The following RIPK1 variants were observed in gnomAD, a reference collection of about 807,000 sequenced individuals.
RIPK1 encodes the protein receptor-interacting serine/threonine-protein kinase 1.
A neutral mutation model predicts 62.4 loss-of-function variants in RIPK1; 27 were observed. That is an observed-to-expected ratio of 0.43 (90% CI 0.32 to 0.60). The LOEUF is 0.60. Among genes scored for constraint, RIPK1 ranks in the 20% least tolerant of loss-of-function variants. RIPK1 has a pLI of 0.07. For synonymous variants in RIPK1, 287 were observed against 303.2 expected (o/e 0.95, Z 0.55); for missense variants, 735 against 831.0 (o/e 0.88, Z 1.42).
In RIPK1 at chr6:3,076,770, G is replaced by T. The variant is rs1039057982; in HGVS notation, c.-54G>T. 1.3e-6 allele frequency: 2 copies of T among 1,587,716 alleles called. No individual in the cohort carries two copies. The highest frequency in any genetic ancestry group is 2.8e-5 in the African/African-American group (2 of 71,120). ...CTCTCTGTTTTCTTTACAGGGTACA[G>T]CTCTGCCGGGGGGGGAAAAAGTGGT... On this transcript the variant is annotated 5_prime_UTR_variant, in exon 2 of 11. Transcript: ENST00000259808.
At position 3,075,472 on chromosome 6, in the gene RIPK1, T is replaced by C. The variant is rs781749519; in HGVS notation, c.-60-1292T>C. Reference sequence around the variant, plus strand: ...CTTAGAGTTTGCATTGTTCTTTTTATATTCTTCAGATTCCTTCTTTTGTTC... The same window carrying C: ...CTTAGAGTTTGCATTGTTCTTTTTACATTCTTCAGATTCCTTCTTTTGTTC... On this transcript the variant is annotated intron_variant, in intron 1 of 10. Transcript: ENST00000259808. 6.8e-4 allele frequency among the ~76,000 whole-genome samples: 103 copies of C among 152,254 alleles called. 1 individual carries two copies. Among genetic ancestry groups the C allele is most frequent in the Non-Finnish European group, 2.2e-4 (15 of 68,042 alleles).
At chr6:3,084,683 T>A (rs926238980) in intron 5 of RIPK1, among the ~76,000 whole-genome samples, 1 of 147,046 alleles carries the variant, frequency 6.8e-6, no homozygotes, top group Non-Finnish European at 1.5e-5. Context: ...AGCCTCCACC[T>A]CCCAGGTTCA....
chr6:3,109,895 T>C (rs1581441055), intron 9 of RIPK1, among the ~76,000 whole-genome samples: 1 of 152,206 alleles, frequency 6.6e-6, no homozygotes, highest in Admixed American at 6.5e-5. Flanking sequence ...CATTTTTCTT[T>C]GTGGCTGGCT....
rs1490155787 is a variant in RIPK1, at chr6:3,072,470, A to G, written c.-61+3809A>G. On this transcript the variant is annotated intron_variant, in intron 1 of 10. Transcript: ENST00000259808. This position sits in a 1 kb window ranked among gnomAD's most constrained non-coding sequence, Gnocchi z 5.6. ...TCGTCAAAAACAATTTTGAATGGCTATATAATATTCTGTTAGGAGTGTGCC... is the reference window on the plus strand; with the variant it reads ...TCGTCAAAAACAATTTTGAATGGCTGTATAATATTCTGTTAGGAGTGTGCC... Among the ~76,000 whole-genome samples, 6 of 152,308 alleles carry G rather than the reference A, an allele frequency of 3.9e-5. No homozygotes were observed.
chr6:3,110,531 C>G (rs1403759569), intron 9 of RIPK1, among the ~76,000 whole-genome samples: 1 of 151,894 alleles, frequency 6.6e-6, no homozygotes, highest in Non-Finnish European at 1.5e-5. Flanking sequence ...ATAGGAGCAG[C>G]TGCACCATTT....
chr6:3,069,448 A>C (rs1041719435), intron 1 of RIPK1, among the ~76,000 whole-genome samples: 5 of 151,822 alleles, frequency 3.3e-5, no homozygotes, highest in Non-Finnish European at 7.4e-5. Context: ...ACAAAGCCTC[A>C]CAGGGATGCG....
chr6:3,071,801 C>T (rs907270985), intron 1 of RIPK1, among the ~76,000 whole-genome samples: 5 of 152,206 alleles, frequency 3.3e-5, no homozygotes, highest in Non-Finnish European at 7.3e-5. Context: ...GAGGCCTTCC[C>T]AAACTCCACC....
rs1318636237 is a variant in RIPK1 at position 3,090,812 on chromosome 6, A to G, written c.915+1155A>G. On this transcript the variant is annotated intron_variant, in intron 7 of 10. Transcript: ENST00000259808. ...CGCAGAGCGCCTACCTGCCGCACCT[A>G]GTAACCGCAGCGCACCTACCTGCCG... Among the ~76,000 whole-genome samples the G allele has an allele frequency of 1.3e-4, 18 of 138,618 alleles. 1 individual carries two copies. The highest frequency in any genetic ancestry group is 5.8e-4 in the African/African-American group (18 of 31,020). The allele number at this position is 138,618 out of a possible 152,430, so 90.9% of individuals were successfully genotyped here.
chr6:3,112,516 A>G (rs532120321), intron 10 of RIPK1, among the ~76,000 whole-genome samples: 1 of 152,162 alleles, frequency 6.6e-6, no homozygotes, highest in South Asian at 2.1e-4. Context: ...TACTAGGAGG[A>G]AGGAATGCCT....
intron 5 of RIPK1, among the ~76,000 whole-genome samples, 160 bp from the exon 6 acceptor site, chr6:3,085,099 C>CTGTAGTGGAA (rs1338021701): frequency 1.3e-5 from 2 of 152,180 alleles, no homozygotes; most frequent in African/African-American, 4.8e-5. Context: ...TTGGTCATCT[C>CTGTAGTGGAA]TGTAGTGGAA....
chr6:3,073,200 C>G (rs1326559012), intron 1 of RIPK1, among the ~76,000 whole-genome samples: 3 of 150,518 alleles, frequency 2.0e-5, no homozygotes, highest in African/African-American at 7.3e-5. Flanking sequence ...TATGCATACA[C>G]ACATACAAAT....
chr6:3,068,549 G>A lies in RIPK1; in HGVS notation c.-173G>A. On this transcript the variant is annotated 5_prime_UTR_variant, in exon 1 of 11. Transcript: ENST00000259808. ...CGCGGACGGCGGGCCAGCTGCCGGA[G>A]CGCGGCGACTCCAGGGGACCCACAG... The A allele has an allele frequency of 1.0e-6, 1 of 985,284 alleles. No homozygotes were observed. The allele number at this position is 985,284 out of a possible 1,614,324, so 61.0% of individuals were successfully genotyped here. A position where few individuals can be genotyped will look rare whatever the true frequency, so the allele number is the denominator to read the frequency against.
intron 7 of RIPK1, among the ~76,000 whole-genome samples, chr6:3,099,618 G>A (rs1417856349): frequency 1.3e-5 from 2 of 152,160 alleles, no homozygotes; most frequent in Non-Finnish European, 2.9e-5. Context: ...AAAAGAAACT[G>A]AACAACATAC....
rs754594947 is a variant in RIPK1, at chr6:3,079,367, C to T, written c.321+1432C>T. Reference sequence around the variant, plus strand: ...TTCTGGGATTACAGGCATGAGCCACCGTTCCCAGCTGATGGTGTTTTGATA... The same window carrying T: ...TTCTGGGATTACAGGCATGAGCCACTGTTCCCAGCTGATGGTGTTTTGATA... On this transcript the variant is annotated intron_variant, in intron 3 of 10. Coordinates refer to ENST00000259808, the MANE Select transcript of RIPK1 (RefSeq NM_001354930.2). Among the ~76,000 whole-genome samples, 12 of 152,302 alleles carry T rather than the reference C, an allele frequency of 7.9e-5. No homozygotes were observed. In the East Asian group the frequency reaches 9.6e-4, roughly 12 times the overall value.
At chr6:3,081,414 A>T (rs1231475213) in intron 4 of RIPK1, among the ~76,000 whole-genome samples, 1 of 152,144 alleles carries the variant, frequency 6.6e-6, no homozygotes, top group African/African-American at 2.4e-5. Context: ...ACATTTAGAA[A>T]CATTCAAGGG....
intron 1 of RIPK1, among the ~76,000 whole-genome samples, chr6:3,070,831 A>G (rs1288205144): frequency 1.3e-5 from 2 of 152,218 alleles, no homozygotes; most frequent in African/African-American, 2.4e-5. Context: ...GGGTCTTTGC[A>G]TCTGGATTTT....
chr6:3,107,213 C>T (rs1258371842), intron 9 of RIPK1, among the ~76,000 whole-genome samples: 2 of 150,512 alleles, frequency 1.3e-5, no homozygotes, highest in Admixed American at 6.6e-5. Flanking sequence ...GATCATGCCA[C>T]TGCACTCCAG....
chr6:3,074,656 T>C (rs1432630491), intron 1 of RIPK1, among the ~76,000 whole-genome samples: 1 of 152,208 alleles, frequency 6.6e-6, no homozygotes, highest in Non-Finnish European at 1.5e-5. Flanking sequence ...TGTATCTGGA[T>C]GTAGATATTT....
At chr6:3,074,475 A>G (rs1758946953) in intron 1 of RIPK1, among the ~76,000 whole-genome samples, 1 of 152,138 alleles carries the variant, frequency 6.6e-6, no homozygotes, top group Non-Finnish European at 1.5e-5. Flanking sequence ...AGCTATTATA[A>G]ATAAAGTTGC....
Sources: gnomAD v4.1 joint callset for allele counts (sites outside exome capture counted in the v4.1 genomes callset) on GRCh38, gnomAD v4.1.1 for gene constraint, Gnocchi (gnomAD v3.1) non-coding constraint, MANE v1.5 for transcripts, NCBI Gene and HGNC (gene_info 2026-07-23, HGNC 2026-07-21) for gene names.